The following MED12L variants were observed in gnomAD, a reference collection of about 807,000 sequenced individuals.
The protein encoded by MED12L is mediator of RNA polymerase II transcription subunit 12-like protein.
In MED12L, 60 loss-of-function variants were observed where a neutral mutation model predicts 281.3. The observed-to-expected ratio is 0.21, with a 90% CI of 0.17 to 0.26. MED12L has a LOEUF of 0.26. Among genes scored for constraint, MED12L ranks in the 10% least tolerant of loss-of-function variants. The pLI is 1.00. For synonymous variants in MED12L, 974 were observed against 987.2 expected (o/e 0.99, Z 0.25); for missense variants, 2,146 against 2,680.9 (o/e 0.80, Z 4.41).
At chr3:151,222,468 T>C (rs1729558480) in intron 16 of MED12L, among the ~76,000 whole-genome samples, 1 of 152,166 alleles carries the variant, frequency 6.6e-6, no homozygotes, top group African/African-American at 2.4e-5. Context: ...TGGTAGATGA[T>C]TGAATTATGG....
At chr3:151,223,693 G>T (rs568204126) in intron 16 of MED12L, among the ~76,000 whole-genome samples, 1 of 152,212 alleles carries the variant, frequency 6.6e-6, no homozygotes, top group African/African-American at 2.4e-5. Context: ...CAAAGACGGG[G>T]AGGTAGGAAG....
intron 2 of MED12L, among the ~76,000 whole-genome samples, chr3:151,087,718 T>A (rs1160223169): frequency 6.6e-6 from 1 of 152,188 alleles, no homozygotes; most frequent in Non-Finnish European, 1.5e-5. Flanking sequence ...TGAGATTAAT[T>A]GGAGACACCT....
intron 35 of MED12L, 36 bp from the exon 36 acceptor site, chr3:151,384,994 C>T (rs562141955): frequency 8.8e-7 from 1 of 1,133,866 alleles, no homozygotes; most frequent in Non-Finnish European, 1.3e-6. Flanking sequence ...ATTTCTGTCC[C>T]ACTTCTCACT....
chr3:151,233,540 C>T (rs1732128062), intron 16 of MED12L, among the ~76,000 whole-genome samples: 1 of 152,290 alleles, frequency 6.6e-6, no homozygotes, highest in East Asian at 1.9e-4. Context: ...TTGAGACCAG[C>T]CTGACCAACA....
chr3:151,332,264 T>G (rs1750435962), intron 16 of MED12L, among the ~76,000 whole-genome samples: 1 of 152,202 alleles, frequency 6.6e-6, no homozygotes, highest in South Asian at 2.1e-4. Context: ...AAATAATATG[T>G]GAAAAGATGA....
In MED12L at chr3:151,190,943, G is replaced by T; in HGVS notation, c.1968+12G>T. 6.2e-7 allele frequency: 1 copy of T among 1,610,876 alleles called. No homozygotes were observed. Among genetic ancestry groups the T allele is most frequent in the Non-Finnish European group, 8.5e-7 (1 of 1,177,526 alleles). On this transcript the variant is annotated intron_variant, in intron 14 of 44. Coordinates refer to ENST00000687756, the MANE Select transcript of MED12L (RefSeq NM_001393769.1). The stretch of plus-strand genomic sequence containing the variant: ...ATGTGAAAATGGAGGTATGGCCCTG[G>T]ATATGATGCCCCACTCCCCCAGAAA...
chr3:151,417,320 G>A (rs1479588701), intron 43 of MED12L, among the ~76,000 whole-genome samples: 1 of 152,016 alleles, frequency 6.6e-6, no homozygotes, highest in African/African-American at 2.4e-5. Flanking sequence ...GGAACAACGT[G>A]GTATAGAGAT....
chr3:151,303,477 A>G (rs929552897), intron 16 of MED12L, among the ~76,000 whole-genome samples: 2 of 152,172 alleles, frequency 1.3e-5, no homozygotes, highest in African/African-American at 4.8e-5. Context: ...GAAACTGCAC[A>G]GTCGGCCATG....
At chr3:151,173,106 T>G (rs916399656) in intron 11 of MED12L, among the ~76,000 whole-genome samples, 3 of 152,062 alleles carry the variant, frequency 2.0e-5, no homozygotes, top group African/African-American at 7.2e-5. Flanking sequence ...TTGTGTGTGT[T>G]CTTTTTAGAC....
intron 12 of MED12L, among the ~76,000 whole-genome samples, chr3:151,187,422 A>G (rs186577143): frequency 1.1e-4 from 16 of 152,352 alleles, no homozygotes; most frequent in Admixed American, 7.8e-4. Flanking sequence ...TCTATATCTA[A>G]AAATGTATTC....
chr3:151,409,893 A>G (rs1716759471), intron 40 of MED12L, among the ~76,000 whole-genome samples: 1 of 152,182 alleles, frequency 6.6e-6, no homozygotes, highest in African/African-American at 2.4e-5. Context: ...TGAGCTTGAG[A>G]GGTTGAGGTT....
chr3:151,321,080 G>A (rs967747146), intron 16 of MED12L, among the ~76,000 whole-genome samples: 1 of 152,172 alleles, frequency 6.6e-6, no homozygotes, highest in Non-Finnish European at 1.5e-5. Context: ...GCGAATGAAT[G>A]GGGTGTCTGA....
At chr3:151,365,279 CGTTA>C in intron 22 of MED12L, 73 bp downstream of exon 22, 1 of 1,254,874 alleles carries the variant, frequency 8.0e-7, no homozygotes. Context: ...AAATTGATGT[CGTTA>C]GTAAGTGTCT....
intron 16 of MED12L, among the ~76,000 whole-genome samples, chr3:151,336,326 C>T (rs541129552): frequency 9.9e-5 from 15 of 151,966 alleles, no homozygotes; most frequent in Non-Finnish European, 1.9e-4. Context: ...TTAGTGGTGC[C>T]GGAGAAAGAA....
intron 16 of MED12L, among the ~76,000 whole-genome samples, chr3:151,248,515 C>A (rs2149436084): frequency 6.6e-6 from 1 of 152,262 alleles, no homozygotes; most frequent in Non-Finnish European, 1.5e-5. Flanking sequence ...CATAACCCAG[C>A]TGTACTGGTC....
chr3:151,164,890 A>G (rs1203054540), intron 9 of MED12L, among the ~76,000 whole-genome samples: 3 of 152,130 alleles, frequency 2.0e-5, no homozygotes, highest in South Asian at 4.1e-4. Flanking sequence ...ATTAGGAGAT[A>G]TACCTAATGT....
intron 16 of MED12L, among the ~76,000 whole-genome samples, chr3:151,237,588 T>A (rs899771665): frequency 4.0e-5 from 6 of 151,782 alleles, no homozygotes; most frequent in Non-Finnish European, 8.8e-5. Flanking sequence ...TGACCTCAGG[T>A]GATCTGCCCG....
At chr3:151,260,503 CTG>C (rs1273706092) in intron 16 of MED12L, among the ~76,000 whole-genome samples, 1 of 152,084 alleles carries the variant, frequency 6.6e-6, no homozygotes, top group Non-Finnish European at 1.5e-5. Context: ...GCGTGTACCA[CTG>C]TGTCCAGCTA....
intron 16 of MED12L, among the ~76,000 whole-genome samples, chr3:151,309,119 GCA>G (rs1177424724): frequency 3.7e-3 from 528 of 144,170 alleles, no homozygotes; most frequent in Middle Eastern, 7.0e-3. Context: ...TGAAATACAC[GCA>G]CACACACACA....
Sources: allele counts gnomAD v4.1 joint callset (sites outside exome capture counted in the v4.1 genomes callset), GRCh38; gene constraint gnomAD v4.1.1; transcripts MANE v1.5; gene names NCBI Gene and HGNC (gene_info 2026-07-23, HGNC 2026-07-21).